The following IL1RAPL2 variants were observed in gnomAD, a reference collection of about 807,000 sequenced individuals.
The protein encoded by IL1RAPL2 is X-linked interleukin-1 receptor accessory protein-like 2.
A neutral mutation model predicts 44.1 loss-of-function variants in IL1RAPL2; 3 were observed. The ratio of observed to expected loss-of-function variants is 0.07; its 90% confidence interval spans 0.03 to 0.18. The LOEUF (loss-of-function observed/expected upper bound fraction) is 0.18. Among genes scored for constraint, IL1RAPL2 ranks in the 10% least tolerant of loss-of-function variants. The pLI, the probability that IL1RAPL2 is intolerant of heterozygous loss-of-function variation, is 1.00. For missense variants in IL1RAPL2, 391 were observed against 496.4 expected, an observed-to-expected ratio of 0.79 and a Z score of 2.02; for synonymous variants, 181 against 178.8, an observed-to-expected ratio of 1.01 and a Z score of -0.10.
intron 6 of IL1RAPL2, among the ~76,000 whole-genome samples, chrX:105,659,631 T>C (rs1194476516): frequency 2.8e-5 from 3 of 107,163 alleles, no homozygotes; most frequent in African/African-American, 1.0e-4. Context: ...CACTCCAGCC[T>C]GGGCGACAGA....
chrX:105,292,862 C>T (rs1044133875), intron 5 of IL1RAPL2, among the ~76,000 whole-genome samples: 3 of 108,602 alleles, frequency 2.8e-5, no homozygotes, highest in Non-Finnish European at 5.7e-5. Flanking sequence ...ACCTGTAATC[C>T]CAGCACTTTG....
chrX:105,472,149 A>G (rs142550397), intron 5 of IL1RAPL2, among the ~76,000 whole-genome samples: 1,839 of 111,270 alleles, frequency 0.017, 32 homozygotes, highest in African/African-American at 0.056. Flanking sequence ...AGTACAGAAA[A>G]CACTATGGTG....
intron 5 of IL1RAPL2, among the ~76,000 whole-genome samples, chrX:105,357,047 A>T (rs1412698149): frequency 3.6e-5 from 4 of 111,645 alleles, no homozygotes; most frequent in Non-Finnish European, 7.5e-5. Flanking sequence ...TATAAAATTG[A>T]TGCTTGTTTA....
intron 2 of IL1RAPL2, among the ~76,000 whole-genome samples, chrX:104,750,085 T>C (rs1343669355): frequency 3.6e-5 from 4 of 112,054 alleles, no homozygotes; most frequent in Admixed American, 1.9e-4. Flanking sequence ...GCTTGCTCGC[T>C]AGTGCAAGTG....
intron 2 of IL1RAPL2, among the ~76,000 whole-genome samples, chrX:105,009,408 A>T (rs774365099): frequency 9.1e-6 from 1 of 109,628 alleles, no homozygotes; most frequent in Admixed American, 9.7e-5. Flanking sequence ...ACCATGGAAT[A>T]CTATGCAGCC....
At chrX:105,447,646 TATAA>T (rs2035977955) in intron 5 of IL1RAPL2, among the ~76,000 whole-genome samples, 3 of 76,424 alleles carry the variant, frequency 3.9e-5, no homozygotes, top group African/African-American at 1.6e-4. Context: ...TAAATATAAA[TATAA>T]ATATAAATAA....
At chrX:105,022,510 A>C (rs1308374412) in intron 2 of IL1RAPL2, among the ~76,000 whole-genome samples, 4 of 111,693 alleles carry the variant, frequency 3.6e-5, no homozygotes, top group Non-Finnish European at 7.5e-5. Flanking sequence ...TTTAAAACTT[A>C]ACACTCTAGG....
At chrX:105,495,235 C>A (rs16984786) in intron 6 of IL1RAPL2, among the ~76,000 whole-genome samples, 4,740 of 111,705 alleles carry the variant, frequency 0.042, 238 homozygotes, top group African/African-American at 0.15. Context: ...AGAGGGCACA[C>A]CTGGCAATTA....
intron 1 of IL1RAPL2, among the ~76,000 whole-genome samples, chrX:104,651,877 A>T (rs1930159355): frequency 8.9e-6 from 1 of 111,795 alleles, no homozygotes; most frequent in Non-Finnish European, 1.9e-5. Context: ...TGGAAAACAA[A>T]GAATCCTGTG....
chrX:105,124,722 T>A (rs892899146), intron 2 of IL1RAPL2, among the ~76,000 whole-genome samples: 1 of 110,804 alleles, frequency 9.0e-6, no homozygotes, highest in African/African-American at 3.3e-5. Context: ...AAAGATACTA[T>A]CATATTATAA....
intron 2 of IL1RAPL2, among the ~76,000 whole-genome samples, chrX:104,764,238 A>T (rs2147593072): frequency 9.1e-6 from 1 of 109,720 alleles, no homozygotes; most frequent in South Asian, 3.9e-4. Flanking sequence ...AATTTCTTTC[A>T]TTAGTGTTTT....
At chrX:104,604,906 C>T (rs1028435403) in intron 1 of IL1RAPL2, among the ~76,000 whole-genome samples, 4 of 110,953 alleles carry the variant, frequency 3.6e-5, no homozygotes, top group Non-Finnish European at 7.5e-5. Flanking sequence ...TTAGACAGAT[C>T]AAAGAGACAG....
chrX:104,762,657 ACTT>A (rs2147592008), intron 2 of IL1RAPL2, among the ~76,000 whole-genome samples: 1 of 112,830 alleles, frequency 8.9e-6, no homozygotes, highest in South Asian at 3.7e-4. Context: ...CCTGAAGAAA[ACTT>A]CTGTCTGGCC....
chrX:105,257,378 T>C, intron 4 of IL1RAPL2, among the ~76,000 whole-genome samples: 1 of 112,166 alleles, frequency 8.9e-6, no homozygotes, highest in Non-Finnish European at 1.9e-5. Context: ...CTTTAGAGTA[T>C]GTGCCATGTA....
intron 3 of IL1RAPL2, among the ~76,000 whole-genome samples, chrX:105,200,937 A>C (rs185662172): frequency 8.9e-4 from 99 of 111,194 alleles, no homozygotes; most frequent in Admixed American, 6.0e-3. Context: ...ACACACACAC[A>C]CAAAATTAAA....
rs1930334331 is a variant in IL1RAPL2, at chrX:104,658,999, A to T, written c.82+4A>T. ...ATGGTGTCAAAGAGAAATTCTGGTA[A>T]GTTGCTGGCAACTTGCCACTATTTG... On this transcript the variant is annotated splice_donor_region_variant and intron_variant, in intron 2 of 10. Transcript: ENST00000372582. 2.5e-6 allele frequency: 3 copies of T among 1,183,238 alleles called. No individual in the cohort carries two copies. Among genetic ancestry groups the T allele is most frequent in the Non-Finnish European group, 3.4e-6 (3 of 871,669 alleles).
chrX:105,182,532 G>A (rs1182815578), intron 2 of IL1RAPL2, among the ~76,000 whole-genome samples: 3 of 107,336 alleles, frequency 2.8e-5, no homozygotes, highest in East Asian at 2.9e-4. Context: ...TATGTGAAGC[G>A]AGTTTCTTGT....
At chrX:105,578,145 C>A (rs1430070910) in intron 6 of IL1RAPL2, among the ~76,000 whole-genome samples, 1 of 106,605 alleles carries the variant, frequency 9.4e-6, no homozygotes, top group Admixed American at 1.0e-4. Flanking sequence ...GGTTTTTTGT[C>A]CAATGCATAC....
chrX:105,453,196 T>TG (rs1167490506), intron 5 of IL1RAPL2, among the ~76,000 whole-genome samples: 13 of 111,852 alleles, frequency 1.2e-4, no homozygotes, highest in Non-Finnish European at 2.1e-4. Flanking sequence ...TCAAAGGTCT[T>TG]ATACCTTCAC....
Sources: allele counts gnomAD v4.1 joint callset (sites outside exome capture counted in the v4.1 genomes callset), GRCh38; gene constraint gnomAD v4.1.1; transcripts MANE v1.5; gene names NCBI Gene and HGNC (gene_info 2026-07-23, HGNC 2026-07-21).